Variants in IGFBP6 observed in about 807,000 individuals in gnomAD.
IGFBP6 encodes the protein insulin like growth factor binding protein 6, also known as insulin-like growth factor-binding protein 6.
A neutral mutation model predicts 24.5 loss-of-function variants in IGFBP6; 24 were observed. The ratio of observed to expected loss-of-function variants is 0.98; its 90% confidence interval spans 0.71 to 1.38. IGFBP6 has a LOEUF of 1.38. Among genes scored for constraint, IGFBP6 ranks in the 40% most tolerant of loss-of-function variants. IGFBP6 has a pLI of 0.00. For missense variants in IGFBP6, 331 were observed against 324.8 expected (o/e 1.02, Z -0.15); for synonymous variants, 147 against 137.4 (o/e 1.07, Z -0.49).
At chr12:53,098,344 G>A (rs1453315779) in intron 1 of IGFBP6, among the ~76,000 whole-genome samples, 7 of 152,204 alleles carry the variant, frequency 4.6e-5, no homozygotes, top group Non-Finnish European at 8.8e-5. Flanking sequence ...GGGAGGCAGG[G>A]GGAGAAATGG....
At position 53,101,138 on chromosome 12, in the gene IGFBP6, G is replaced by A. The variant is rs192942437; in HGVS notation, c.578G>A (p.Arg193Gln). Reference protein sequence around the residue: ...QTLYVPNCDHRGFYRKRQCRS... With the variant: ...QTLYVPNCDHQGFYRKRQCRS... ...CTCTACGTGCCCAATTGTGACCATCGAGGCTTCTACCGGAAGCGGCAGGTG... is the reference window on the plus strand; with the variant it reads ...CTCTACGTGCCCAATTGTGACCATCAAGGCTTCTACCGGAAGCGGCAGGTG... The change falls in exon 3 of 4, where the codon CGA becomes CAA. Residue 193 changes from arginine (R) to glutamine (Q), a missense_variant. Coordinates refer to ENST00000301464, the MANE Select transcript of IGFBP6 (RefSeq NM_002178.3). The A allele has an allele frequency of 9.3e-6, 15 of 1,614,114 alleles. No homozygotes were observed. The Admixed American group carries it at 1.5e-4, about 16-fold the overall frequency.
At chr12:53,098,404 C>T (rs1411582962) in intron 1 of IGFBP6, among the ~76,000 whole-genome samples, 2 of 152,204 alleles carry the variant, frequency 1.3e-5, no homozygotes, top group Non-Finnish European at 2.9e-5. Context: ...GCTCCTACAA[C>T]CCTAGACGGC....
At chr12:53,101,943 A>C in intron 3 of IGFBP6, 102 bp from the exon 4 acceptor site, 1 of 722,832 alleles carries the variant, frequency 1.4e-6, no homozygotes, top group Non-Finnish European at 2.1e-6. Context: ...ACCCCCGAGG[A>C]GACGCTCAGG....
intron 1 of IGFBP6, among the ~76,000 whole-genome samples, chr12:53,098,545 A>C (rs1203095207): frequency 6.6e-6 from 1 of 152,096 alleles, no homozygotes; most frequent in Non-Finnish European, 1.5e-5. Flanking sequence ...TGTTCGAAGC[A>C]CCTAAACAGG....
chr12:53,097,843 G>C lies in IGFBP6; in HGVS notation c.126G>C (p.Gly42=). ...AAGGGGTGCAGGCGGGTTGTCCAGG[G>C]GGCTGCGTGGAGGAGGAGGATGGGG... ...CGQGVQAGCP[G]GCVEEEDGGS... Residue 42 remains glycine, a synonymous_variant, in exon 1 of 4, where the codon GGG becomes GGC. Coordinates refer to ENST00000301464, the MANE Select transcript of IGFBP6 (RefSeq NM_002178.3). 6.5e-7 allele frequency: 1 copy of C among 1,530,420 alleles called. No homozygotes were observed. Among genetic ancestry groups the C allele is most frequent in the Non-Finnish European group, 8.8e-7 (1 of 1,141,176 alleles). The allele number at this position is 1,530,420 out of a possible 1,614,324, so 94.8% of individuals were successfully genotyped here. A position where few individuals can be genotyped will look rare whatever the true frequency, so the allele number is the denominator to read the frequency against.
chr12:53,097,926 A>G lies in IGFBP6; in HGVS notation c.209A>G (p.Glu70Gly). ...GGCTGTCTCAGGAGGGAGGGGCAGG[A>G]GTGCGGGGTCTACACCCCTAACTGC... is the stretch of plus-strand genomic sequence containing the variant. ...AEGCLRREGQ[E>G]CGVYTPNCAP... The change falls in exon 1 of 4, where the codon GAG (glutamate) becomes GGG (glycine). Residue 70 changes from glutamate to glycine, a missense_variant. Coordinates refer to ENST00000301464, the MANE Select transcript of IGFBP6 (RefSeq NM_002178.3). 4 of 1,514,028 alleles carry G rather than the reference A, an allele frequency of 2.6e-6. No individual in the cohort carries two copies. The highest frequency in any genetic ancestry group is 3.5e-6 in the Non-Finnish European group (4 of 1,134,820). 93.8% of individuals were successfully genotyped at this position (1,514,028 alleles called of 1,614,324 possible).
Position 53,100,362 on chromosome 12 carries a change from A to G in IGFBP6, c.335-350A>G, listed in dbSNP as rs547897907. On this transcript the variant is annotated intron_variant, in intron 1 of 3. Coordinates refer to ENST00000301464, the MANE Select transcript of IGFBP6 (RefSeq NM_002178.3). ...TATTTGTAGAGATGAGGTTCTCATT[A>G]TGTTGCCCAGGCTGGTCTCAAACTC... Among the ~76,000 whole-genome samples the G allele has an allele frequency of 5.1e-4, 77 of 151,220 alleles. 1 individual carries two copies. Among genetic ancestry groups the G allele is most frequent in the African/African-American group, 1.8e-3 (75 of 41,214 alleles).
chr12:53,098,003 GCGCTGCTGCTCGGCCGAGGC>G lies in IGFBP6; in HGVS notation c.293_312del (p.Leu98ProfsTer14). On this transcript the variant is annotated frameshift_variant, in exon 1 of 4. Coordinates refer to ENST00000301464, the MANE Select transcript of IGFBP6 (RefSeq NM_002178.3). LOFTEE classifies it high-confidence loss of function. Reference sequence around the variant, plus strand: ...CAAGGACGACGAGGCGCCTTTGCGGGCGCTGCTGCTCGGCCGAGGCCGCTGCCTTCCGGCCCGCGCGCCTG... The same window carrying G: ...CAAGGACGACGAGGCGCCTTTGCGGGCGCTGCCTTCCGGCCCGCGCGCCTG... 6.6e-7 allele frequency: 1 copy of G among 1,514,944 alleles called. No homozygotes were observed. Among genetic ancestry groups the G allele is most frequent in the Non-Finnish European group, 8.8e-7 (1 of 1,139,250 alleles). 93.8% of individuals were successfully genotyped at this position (1,514,944 alleles called of 1,614,324 possible). A position where few individuals can be genotyped will look rare whatever the true frequency, so the allele number is the denominator to read the frequency against.
chr12:53,100,183 AG>A (rs1231611742), intron 1 of IGFBP6, among the ~76,000 whole-genome samples: 1 of 152,184 alleles, frequency 6.6e-6, no homozygotes, highest in Non-Finnish European at 1.5e-5. Context: ...TTTTTGAGAC[AG>A]GGTCTCACTC....
At chr12:53,099,341 T>G in intron 1 of IGFBP6, 1 of 455,830 alleles carries the variant, frequency 2.2e-6, no homozygotes, top group Non-Finnish European at 4.4e-6. Context: ...AGCCCCTCAT[T>G]CCTTGCACCT....
At chr12:53,099,153 A>T in intron 1 of IGFBP6, 1 of 317,922 alleles carries the variant, frequency 3.1e-6, no homozygotes, top group South Asian at 2.2e-5. Context: ...GAGGAAGAGG[A>T]TCCCTTCAGG....
chr12:53,102,059 G>C lies in IGFBP6; in HGVS notation c.615G>C (p.Gln205His), dbSNP rs118158719. 4.1e-4 allele frequency: 654 copies of C among 1,613,746 alleles called. 7 individuals are homozygous for C. The East Asian group carries it at 0.01, about 26-fold the overall frequency. Reference sequence around the variant, plus strand: ...TCTCTCTCCAGTGCCGCTCCTCCCAGGGGCAGCGCCGAGGTCCCTGCTGGT... The same window carrying C: ...TCTCTCTCCAGTGCCGCTCCTCCCACGGGCAGCGCCGAGGTCCCTGCTGGT... ...FYRKRQCRSS[Q>H]GQRRGPCWCV... Residue 205 changes from glutamine to histidine, a missense_variant, in exon 4 of 4, where the codon CAG becomes CAC. Coordinates refer to ENST00000301464, the MANE Select transcript of IGFBP6 (RefSeq NM_002178.3).
rs765013483 is a variant in IGFBP6, at chr12:53,097,870, G to T, written c.153G>T (p.Gly51=). 2.0e-6 allele frequency: 3 copies of T among 1,518,136 alleles called. No homozygotes were observed. Among genetic ancestry groups the T allele is most frequent in the East Asian group, 5.0e-5 (2 of 40,264 alleles). 94.0% of individuals were successfully genotyped at this position (1,518,136 alleles called of 1,614,324 possible). Residue 51 remains glycine (G), a synonymous_variant, in exon 1 of 4, where the codon GGG becomes GGT. Coordinates refer to ENST00000301464, the MANE Select transcript of IGFBP6 (RefSeq NM_002178.3). ...GCTGCGTGGAGGAGGAGGATGGGGG[G>T]TCGCCAGCCGAGGGCTGCGCGGAAG... ...PGGCVEEEDG[G]SPAEGCAEAE...
rs750012509 is a variant in IGFBP6 at position 53,100,742 on chromosome 12, C to A, written c.365C>A (p.Pro122His). 1 of 1,614,126 alleles carries A rather than the reference C, an allele frequency of 6.2e-7. No homozygotes were observed. Among genetic ancestry groups the A allele is most frequent in the South Asian group, 1.1e-5 (1 of 91,084 alleles). Residue 122 changes from proline to histidine, a missense_variant, in exon 2 of 4, where the codon CCC becomes CAC. Pro to His is a moderately conservative substitution (Grantham distance 77). Transcript: ENST00000301464. ...VAEENPKESK[P>H]QAGTARPQDV... is the part of the protein sequence containing the mutation. The stretch of plus-strand genomic sequence containing the variant: ...GAGGAGAATCCTAAGGAGAGTAAAC[C>A]CCAAGCAGGCACTGCCCGCCCACAG...
At chr12:53,100,049 G>A (rs1400240402) in intron 1 of IGFBP6, among the ~76,000 whole-genome samples, 6 of 152,056 alleles carry the variant, frequency 3.9e-5, no homozygotes, top group Admixed American at 2.0e-4. Context: ...TAGTGGAGAC[G>A]GGGTTTCACC....
intron 1 of IGFBP6, among the ~76,000 whole-genome samples, chr12:53,099,952 C>CG (rs397700122): frequency 6.6e-6 from 1 of 151,830 alleles, no homozygotes; most frequent in Non-Finnish European, 1.5e-5. Context: ...TCCGCCCCCC[C>CG]GAGTTCAAGC....
chr12:53,101,228 C>T, intron 3 of IGFBP6, 68 bp downstream of exon 3: 1 of 1,528,024 alleles, frequency 6.5e-7, no homozygotes. Context: ...GGCGGTGCTG[C>T]TTACAAAGCT....
At position 53,101,161 on chromosome 12, in the gene IGFBP6, G is replaced by A. The variant is rs781124965; in HGVS notation, c.600+1G>A. The A allele has an allele frequency of 7.4e-6, 12 of 1,613,370 alleles. No homozygotes were observed. The highest frequency in any genetic ancestry group is 1.0e-5 in the Non-Finnish European group (12 of 1,179,326). ...TCGAGGCTTCTACCGGAAGCGGCAG[G>A]TGAGACTATTTTTCTTCTCCTCCTG... On this transcript the variant is annotated splice_donor_variant, in intron 3 of 3. Transcript: ENST00000301464. LOFTEE classifies it high-confidence loss of function.
At chr12:53,100,903 A>G (rs1322769100) in intron 2 of IGFBP6, 46 bp downstream of exon 2, 1 of 1,611,446 alleles carries the variant, frequency 6.2e-7, no homozygotes, top group East Asian at 2.2e-5. Flanking sequence ...GAAGCCCTGG[A>G]GACTTCCATC....
Sources: gnomAD v4.1 joint callset for allele counts (sites outside exome capture counted in the v4.1 genomes callset) on GRCh38, gnomAD v4.1.1 for gene constraint, MANE v1.5 for transcripts, NCBI Gene and HGNC (gene_info 2026-07-23, HGNC 2026-07-21) for gene names.